MICU3: variants seen among roughly 807,000 people sequenced by gnomAD.
The protein encoded by MICU3 is calcium uptake protein 3, mitochondrial.
A neutral mutation model predicts 66.5 loss-of-function variants in MICU3; 62 were observed. The ratio of observed to expected loss-of-function variants is 0.93; its 90% CI spans 0.76 to 1.15. The LOEUF (loss-of-function observed/expected upper bound fraction) is 1.15, where lower values mean the gene tolerates loss of function less well. MICU3 is among the 50% of genes most tolerant of loss of function. The probability of loss-of-function intolerance (pLI) is 0.00; values close to 1 mark genes in which losing one functional copy is unlikely to be tolerated. For synonymous variants in MICU3, 308 were observed against 240.7 expected (o/e 1.28, Z -2.59); for missense variants, 779 against 664.4 (o/e 1.17, Z -1.90).
intron 2 of MICU3, among the ~76,000 whole-genome samples, chr8:17,066,166 G>A (rs1467034798): frequency 6.6e-6 from 1 of 151,664 alleles, no homozygotes; most frequent in African/African-American, 2.4e-5. Flanking sequence ...TTATTAGTGA[G>A]TTAGTATAGA....
the MICU3 span, among the ~76,000 whole-genome samples, chr8:17,128,024 C>T: frequency 6.6e-6 from 1 of 152,138 alleles, no homozygotes; most frequent in Admixed American, 6.5e-5. Flanking sequence ...GCTAGAGCAA[C>T]AGAGTTCACA....
intron 1 of MICU3, among the ~76,000 whole-genome samples, chr8:17,031,625 T>C (rs1244363133): frequency 6.6e-6 from 1 of 152,096 alleles, no homozygotes; most frequent in Non-Finnish European, 1.5e-5. Flanking sequence ...ATATAAATGA[T>C]TCATTTTGAT....
At chr8:17,135,625 A>T in the MICU3 span, among the ~76,000 whole-genome samples, 3 of 152,180 alleles carry the variant, frequency 2.0e-5, no homozygotes, top group African/African-American at 7.2e-5. Flanking sequence ...TATCTTCTGT[A>T]TTATTGCATT....
chr8:17,101,428 C>T (rs1427800315), intron 9 of MICU3, among the ~76,000 whole-genome samples: 1 of 151,750 alleles, frequency 6.6e-6, no homozygotes, highest in Non-Finnish European at 1.5e-5. Flanking sequence ...AAAGTTTTCC[C>T]CATTTTCATT....
At chr8:17,067,918 A>G (rs1040408359) in intron 2 of MICU3, among the ~76,000 whole-genome samples, 4 of 88,058 alleles carry the variant, frequency 4.5e-5, no homozygotes, top group African/African-American at 3.5e-4. Flanking sequence ...AAATGTTGAG[A>G]TATCTGTTGA....
chr8:17,065,458 A>G (rs1314004252), intron 2 of MICU3, among the ~76,000 whole-genome samples: 1 of 152,218 alleles, frequency 6.6e-6, no homozygotes, highest in East Asian at 1.9e-4. Context: ...GAAGCTGTAT[A>G]GGATGAGAAT....
At chr8:17,089,216 A>T (rs754035041) in intron 7 of MICU3, among the ~76,000 whole-genome samples, 1 of 152,034 alleles carries the variant, frequency 6.6e-6, no homozygotes, top group Non-Finnish European at 1.5e-5. Context: ...GCTCTTCCTT[A>T]AAACAATTCA....
chr8:17,034,811 A>C (rs749743216), intron 1 of MICU3, among the ~76,000 whole-genome samples: 36 of 152,240 alleles, frequency 2.4e-4, no homozygotes, highest in Non-Finnish European at 3.7e-4. Context: ...TGGTTTCTTG[A>C]GATGTAGTCT....
intron 1 of MICU3, 140 bp from the exon 2 acceptor site, chr8:17,063,944 G>A: frequency 2.1e-6 from 1 of 467,504 alleles, no homozygotes; most frequent in South Asian, 7.5e-5. Context: ...TATTTATAAA[G>A]TGATTAACGT....
At chr8:17,060,859 T>C (rs1252120483) in intron 1 of MICU3, among the ~76,000 whole-genome samples, 1 of 152,040 alleles carries the variant, frequency 6.6e-6, no homozygotes, top group East Asian at 1.9e-4. Flanking sequence ...CTGACCTTCT[T>C]TTAAAGTGGT....
chr8:17,067,492 T>A (rs1585315761), intron 2 of MICU3, among the ~76,000 whole-genome samples: 1 of 151,468 alleles, frequency 6.6e-6, no homozygotes, highest in African/African-American at 2.4e-5. Context: ...CGCAATGGGG[T>A]GATCTCAGCT....
At position 17,114,084 on chromosome 8, in the gene MICU3, C is replaced by G; in HGVS notation, c.1258-9C>G. 6.4e-7 allele frequency: 1 copy of G among 1,570,368 alleles called. No homozygotes were observed. Among genetic ancestry groups the G allele is most frequent in the Non-Finnish European group, 8.7e-7 (1 of 1,151,870 alleles). On this transcript the variant is annotated splice_polypyrimidine_tract_variant and intron_variant, in intron 11 of 14. Coordinates refer to ENST00000318063, the MANE Select transcript of MICU3 (RefSeq NM_181723.3). ...ACTAAATGTATTTTCATTTCCTTTC[C>G]CAATATAGGGCATCACATTTGATGA...
At chr8:17,082,260 G>A (rs971581030) in intron 5 of MICU3, among the ~76,000 whole-genome samples, 3 of 152,238 alleles carry the variant, frequency 2.0e-5, no homozygotes, top group African/African-American at 7.2e-5. Flanking sequence ...AGTTTACTGT[G>A]TTCCAGCCAC....
chr8:17,057,793 T>G (rs1817172342), intron 1 of MICU3, among the ~76,000 whole-genome samples: 1 of 152,156 alleles, frequency 6.6e-6, no homozygotes, highest in South Asian at 2.1e-4. Flanking sequence ...GCTTTAAGGT[T>G]AGCTTTCCCT....
the MICU3 span, among the ~76,000 whole-genome samples, chr8:17,128,229 TACACACACAC>T: frequency 3.3e-4 from 48 of 144,530 alleles, no homozygotes; most frequent in African/African-American, 7.9e-4. Flanking sequence ...GAGATCAGTG[TACACACACAC>T]ACACACACAC....
At chr8:17,081,375 T>G (rs1004049451) in intron 4 of MICU3, among the ~76,000 whole-genome samples, 5 of 152,138 alleles carry the variant, frequency 3.3e-5, no homozygotes, top group African/African-American at 1.2e-4. Context: ...CTTGACAACT[T>G]TTTTATTTTG....
At chr8:17,099,115 C>T (rs772308659) in intron 9 of MICU3, among the ~76,000 whole-genome samples, 2 of 151,708 alleles carry the variant, frequency 1.3e-5, no homozygotes, top group East Asian at 1.9e-4. Flanking sequence ...AGATCTGCAT[C>T]GTACTGCTGC....
At chr8:17,110,018 T>C (rs1802057218) in intron 11 of MICU3, among the ~76,000 whole-genome samples, 1 of 152,228 alleles carries the variant, frequency 6.6e-6, no homozygotes, top group South Asian at 2.1e-4. Context: ...AAAGTTATTA[T>C]ATACTTGCCA....
downstream of MICU3, among the ~76,000 whole-genome samples, chr8:17,125,015 G>C (rs1454214931): frequency 6.6e-6 from 1 of 151,900 alleles, no homozygotes; most frequent in African/African-American, 2.4e-5. Context: ...AAAACTCATG[G>C]CATTCATTTC....
Sources: gnomAD v4.1 joint callset for allele counts (sites outside exome capture counted in the v4.1 genomes callset) on GRCh38, gnomAD v4.1.1 for gene constraint, MANE v1.5 for transcripts, NCBI Gene and HGNC (gene_info 2026-07-23, HGNC 2026-07-21) for gene names.